The following FLT1 variants were observed in gnomAD, a reference collection of about 807,000 sequenced individuals.
The protein encoded by FLT1 is fms related receptor tyrosine kinase 1.
Under a neutral mutation model 156.3 loss-of-function variants are expected in FLT1, and 49 were observed. The observed-to-expected ratio is 0.31, with a 90% CI of 0.25 to 0.40. The LOEUF is 0.40. FLT1 is among the 10% of genes least tolerant of loss of function. FLT1 has a pLI of 1.00. For synonymous variants in FLT1, 594 were observed against 583.8 expected (o/e 1.02, Z -0.25); for missense variants, 1,322 against 1,637.2 (o/e 0.81, Z 3.32).
At chr13:28,403,666 G>C (rs1421457448) in intron 11 of FLT1, among the ~76,000 whole-genome samples, 2 of 152,220 alleles carry the variant, frequency 1.3e-5, no homozygotes, top group Non-Finnish European at 2.9e-5. Context: ...CACAACCAAT[G>C]AATGGCATCT....
At position 28,447,135 on chromosome 13, in the gene FLT1, T is replaced by C. The variant is rs113917507; in HGVS notation, c.389-8790A>G. On this transcript the variant is annotated intron_variant, in intron 3 of 29. Coordinates refer to ENST00000282397, the MANE Select transcript of FLT1 (RefSeq NM_002019.4). The stretch of plus-strand genomic sequence containing the variant: ...AATATTAACCAAAAACTGCTAACTA[T>C]AAAAAATATATATTTTATAGTTATA... Among the ~76,000 whole-genome samples, 821 of 114,160 alleles carry C rather than the reference T, an allele frequency of 7.2e-3. 4 individuals carry two copies. The highest frequency in any genetic ancestry group is 0.023 in the African/African-American group (774 of 33,504). The allele number at this position is 114,160 out of a possible 152,430, so 74.9% of individuals were successfully genotyped here.
At chr13:28,379,333 CA>C (rs946166210) in intron 14 of FLT1, among the ~76,000 whole-genome samples, 2 of 151,346 alleles carry the variant, frequency 1.3e-5, no homozygotes, top group Admixed American at 6.6e-5. Flanking sequence ...GACTCCATCT[CA>C]AAAAAAACAA....
At chr13:28,400,388 A>G (rs906222648) in intron 11 of FLT1, among the ~76,000 whole-genome samples, 4 of 152,250 alleles carry the variant, frequency 2.6e-5, no homozygotes, top group Non-Finnish European at 5.9e-5. Context: ...AAGGTGAAAC[A>G]TATCCTATGA....
intron 14 of FLT1, 150 bp downstream of exon 14, chr13:28,384,735 A>T: frequency 1.3e-6 from 1 of 758,716 alleles, no homozygotes; most frequent in Non-Finnish European, 2.3e-6. Context: ...CTCACTGGAC[A>T]TTGCTATCAG....
rs947490965 is a variant in FLT1 at position 28,302,705 on chromosome 13, T to C, written c.*462A>G. On this transcript the variant is annotated 3_prime_UTR_variant, in exon 30 of 30. Coordinates refer to ENST00000282397, the MANE Select transcript of FLT1 (RefSeq NM_002019.4). ...GCTTTTTTTCCTTTTCCTCCTCACA[T>C]GTCTTAGGCCTGCTAGAGGACTCCC... 6 of 236,266 alleles carry C rather than the reference T, an allele frequency of 2.5e-5. No homozygotes were observed. The highest frequency in any genetic ancestry group is 1.3e-4 in the African/African-American group (6 of 45,390). The allele number at this position is 236,266 out of a possible 1,614,324, so 14.6% of individuals were successfully genotyped here.
rs781177351 is a variant in FLT1 at position 28,427,331 on chromosome 13, T to A, written c.1277-13A>T. The A allele has an allele frequency of 1.9e-6, 3 of 1,613,592 alleles. No individual in the cohort carries two copies. In the African/African-American group the frequency reaches 4.0e-5, roughly 22 times the overall value. ...ATCTGGGGTTTCACTGGAAAGGAGA[T>A]GAAGAACGGGACAGAAGTCAAGAGC... On this transcript the variant is annotated splice_polypyrimidine_tract_variant and intron_variant, in intron 9 of 29. Transcript: ENST00000282397.
At chr13:28,426,011 T>C (rs1011463244) in intron 10 of FLT1, among the ~76,000 whole-genome samples, 2 of 152,156 alleles carry the variant, frequency 1.3e-5, no homozygotes, top group African/African-American at 2.4e-5. Context: ...AACTTTCCAC[T>C]CTGAGAGTAA....
intron 17 of FLT1, among the ~76,000 whole-genome samples, chr13:28,335,766 G>A (rs1025528992): frequency 1.3e-5 from 2 of 152,190 alleles, no homozygotes; most frequent in African/African-American, 4.8e-5. Context: ...CCCAGAGCAT[G>A]CAACACGGGC....
At chr13:28,477,223 T>C (rs769801073) in intron 1 of FLT1, among the ~76,000 whole-genome samples, 1 of 152,178 alleles carries the variant, frequency 6.6e-6, no homozygotes, top group African/African-American at 2.4e-5. Context: ...GGCACATTCA[T>C]TGATCATTAG....
rs57123861 is a variant in FLT1 at position 28,301,186 on chromosome 13, A to AG, written c.*1980dup. 1 of 231,640 alleles carries AG rather than the reference A, an allele frequency of 4.3e-6. No homozygotes were observed. Among genetic ancestry groups the AG allele is most frequent in the East Asian group, 6.1e-5 (1 of 16,342 alleles). 14.3% of individuals were successfully genotyped at this position (231,640 alleles called of 1,614,324 possible). A position where few individuals can be genotyped will look rare whatever the true frequency, so the allele number is the denominator to read the frequency against. Reference sequence around the variant, plus strand: ...TATCTGATTTGGAAAAAAAAAAAAAAGTAGAGAATTGACTGAGGTCTTCTT... The same window carrying AG: ...TATCTGATTTGGAAAAAAAAAAAAAAGGTAGAGAATTGACTGAGGTCTTCTT... On this transcript the variant is annotated 3_prime_UTR_variant, in exon 30 of 30. Coordinates refer to ENST00000282397, the MANE Select transcript of FLT1 (RefSeq NM_002019.4).
intron 3 of FLT1, among the ~76,000 whole-genome samples, chr13:28,459,179 C>T (rs1431775068): frequency 6.6e-6 from 1 of 152,186 alleles, no homozygotes; most frequent in Admixed American, 6.5e-5. Context: ...ACCTGGGTTT[C>T]CAGACATGTC....
At position 28,358,618 on chromosome 13, in the gene FLT1, C is replaced by T. The variant is rs542732130; in HGVS notation, c.2117-933G>A. 1.4e-3 allele frequency among the ~76,000 whole-genome samples: 213 copies of T among 152,180 alleles called. 5 individuals carry two copies. Among genetic ancestry groups the T allele is most frequent in the Non-Finnish European group, 1.8e-4 (12 of 68,012 alleles). On this transcript the variant is annotated intron_variant, in intron 14 of 29. Coordinates refer to ENST00000282397, the MANE Select transcript of FLT1 (RefSeq NM_002019.4). ...TTGAGTATTTACTCTGCCATCAGTT[C>T]GTGTTACAAAACAAACAGCAGGCTA...
chr13:28,376,557 A>G (rs900294949), intron 14 of FLT1, among the ~76,000 whole-genome samples: 32 of 151,916 alleles, frequency 2.1e-4, no homozygotes, highest in African/African-American at 6.5e-4. Context: ...CCTTTTAATG[A>G]CTCTTTCAGA....
At chr13:28,408,684 G>A (rs556253543) in intron 10 of FLT1, among the ~76,000 whole-genome samples, 5 of 152,222 alleles carry the variant, frequency 3.3e-5, no homozygotes, top group African/African-American at 9.6e-5. Context: ...TCCTGATTTC[G>A]CACAGGAAGT....
intron 14 of FLT1, among the ~76,000 whole-genome samples, chr13:28,364,790 T>C (rs1335785514): frequency 6.6e-6 from 1 of 152,220 alleles, no homozygotes; most frequent in Non-Finnish European, 1.5e-5. Flanking sequence ...CTAGGCTCTT[T>C]ATTTATTCAC....
At chr13:28,431,026 T>G in intron 7 of FLT1, 110 bp downstream of exon 7, 1 of 974,478 alleles carries the variant, frequency 1.0e-6, no homozygotes, top group Non-Finnish European at 1.7e-6. Context: ...CTGTATTCAT[T>G]CATGATAATG....
chr13:28,361,376 C>G (rs1032530199), intron 14 of FLT1, among the ~76,000 whole-genome samples: 6 of 152,096 alleles, frequency 3.9e-5, no homozygotes, highest in Non-Finnish European at 7.4e-5. Context: ...CTAAAGTGTA[C>G]TTTCTGAAAA....
At chr13:28,309,779 G>A (rs1430589680) in intron 27 of FLT1, among the ~76,000 whole-genome samples, 1 of 151,812 alleles carries the variant, frequency 6.6e-6, no homozygotes, top group African/African-American at 2.4e-5. Flanking sequence ...TGGTTGTGAG[G>A]CCTGAACAGT....
chr13:28,370,218 C>G (rs1408616356), intron 14 of FLT1, among the ~76,000 whole-genome samples: 1 of 151,884 alleles, frequency 6.6e-6, no homozygotes, highest in East Asian at 1.9e-4. Flanking sequence ...TAATATTCTT[C>G]TCACTGTAAC....
Sources: allele counts gnomAD v4.1 joint callset (sites outside exome capture counted in the v4.1 genomes callset), GRCh38; gene constraint gnomAD v4.1.1; transcripts MANE v1.5; gene names NCBI Gene and HGNC (gene_info 2026-07-23, HGNC 2026-07-21).